ZNF385D: variants seen among roughly 807,000 people sequenced by gnomAD.
ZNF385D encodes the protein zinc finger protein 659.
Under a neutral mutation model 35.8 loss-of-function variants are expected in ZNF385D, and 15 were observed. The ratio of observed to expected loss-of-function variants is 0.42; its 90% CI spans 0.28 to 0.64. The LOEUF (loss-of-function observed/expected upper bound fraction) is 0.64, where lower values mean the gene tolerates loss of function less well. ZNF385D is among the 30% of genes least tolerant of loss of function. The pLI is 0.23. For synonymous variants in ZNF385D, 212 were observed against 186.8 expected, an observed-to-expected ratio of 1.13 and a Z score of -1.10; for missense variants, 474 against 494.6, an observed-to-expected ratio of 0.96 and a Z score of 0.39.
chr3:21,889,034 G>A (rs546655415), intron 3 of ZNF385D, among the ~76,000 whole-genome samples: 1 of 152,318 alleles, frequency 6.6e-6, no homozygotes, highest in African/African-American at 2.4e-5. Context: ...TGTGTGGGGA[G>A]TGCCCTTGAC....
intron 3 of ZNF385D, among the ~76,000 whole-genome samples, chr3:22,033,118 G>A (rs1698099612): frequency 6.6e-6 from 1 of 152,060 alleles, no homozygotes; most frequent in Non-Finnish European, 1.5e-5. Flanking sequence ...AATGAACAGT[G>A]AGGCCGGGCA....
At chr3:22,115,400 G>C (rs201962572) in intron 3 of ZNF385D, among the ~76,000 whole-genome samples, 16 of 151,944 alleles carry the variant, frequency 1.1e-4, no homozygotes, top group East Asian at 3.9e-4. Context: ...GAGAACATAG[G>C]TGTCCTTTGG....
chr3:21,473,096 C>A (rs1475386282), intron 4 of ZNF385D, among the ~76,000 whole-genome samples: 1 of 152,112 alleles, frequency 6.6e-6, no homozygotes, highest in Non-Finnish European at 1.5e-5. Context: ...CTACTCCCTA[C>A]ATTAAAACCA....
At chr3:21,695,865 G>C (rs2067454049) in intron 1 of ZNF385D, among the ~76,000 whole-genome samples, 1 of 152,022 alleles carries the variant, frequency 6.6e-6, no homozygotes, top group African/African-American at 2.4e-5. Context: ...AAGATGTAGT[G>C]TTAATAAGAA....
At chr3:22,075,060 T>A (rs895564111) in intron 3 of ZNF385D, among the ~76,000 whole-genome samples, 4 of 151,924 alleles carry the variant, frequency 2.6e-5, no homozygotes, top group African/African-American at 9.7e-5. Flanking sequence ...AGTAATTTTT[T>A]AAAAATACTA....
chr3:21,766,226 C>A (rs1303374904), intron 3 of ZNF385D, among the ~76,000 whole-genome samples: 2 of 152,068 alleles, frequency 1.3e-5, no homozygotes, highest in African/African-American at 4.8e-5. Flanking sequence ...CTATCCTCCA[C>A]TGATAATTTG....
At chr3:21,929,326 A>G (rs1329280452) in intron 3 of ZNF385D, among the ~76,000 whole-genome samples, 2 of 152,062 alleles carry the variant, frequency 1.3e-5, no homozygotes, top group African/African-American at 4.8e-5. Context: ...CAAACTAATA[A>G]AGGGCATCTA....
chr3:21,746,477 G>A (rs1347347829), intron 1 of ZNF385D, among the ~76,000 whole-genome samples: 3 of 152,198 alleles, frequency 2.0e-5, no homozygotes, highest in African/African-American at 7.2e-5. Context: ...TTAGATTTCA[G>A]GTTCTTATTC....
At chr3:21,721,563 G>A (rs1415405054) in intron 1 of ZNF385D, among the ~76,000 whole-genome samples, 1 of 152,006 alleles carries the variant, frequency 6.6e-6, no homozygotes, top group African/African-American at 2.4e-5. Flanking sequence ...ATGAGGACAA[G>A]AAAATCCTAT....
intron 3 of ZNF385D, among the ~76,000 whole-genome samples, chr3:21,522,798 TC>T (rs1707994344): frequency 6.6e-6 from 1 of 152,182 alleles, no homozygotes; most frequent in African/African-American, 2.4e-5. Context: ...CTTAAAGTTT[TC>T]CTATTGCATT....
rs1194550908 is a variant in ZNF385D at position 21,799,785 on chromosome 3, GTTACT to G, written c.326-134762_326-134758del. Reference sequence around the variant, plus strand: ...AAGTCCATTTTATATATTTTTTCTTGTTACTTTTACTTTTGAAACGATATGTAAAA... The same window carrying G: ...AAGTCCATTTTATATATTTTTTCTTGTTTACTTTTGAAACGATATGTAAAA... On this transcript the variant is annotated intron_variant, in intron 3 of 5. Transcript: ENST00000494108. 4.6e-5 allele frequency among the ~76,000 whole-genome samples: 7 copies of G among 151,726 alleles called. No homozygotes were observed. In the East Asian group the frequency reaches 1.4e-3, roughly 29 times the overall value.
intron 3 of ZNF385D, chr3:21,958,742 C>T (rs997628846): frequency 6.7e-6 from 1 of 148,838 alleles, no homozygotes; most frequent in Non-Finnish European, 1.5e-5. Flanking sequence ...AAATATTAAG[C>T]TGTAGAGTGA....
intron 1 of ZNF385D, among the ~76,000 whole-genome samples, chr3:21,695,481 A>T (rs963952323): frequency 6.6e-6 from 1 of 152,182 alleles, no homozygotes; most frequent in African/African-American, 2.4e-5. Context: ...ATTTTAAGCA[A>T]GCATCGCTGC....
intron 3 of ZNF385D, among the ~76,000 whole-genome samples, chr3:21,883,882 G>A (rs143302146): frequency 2.0e-5 from 3 of 152,130 alleles, no homozygotes; most frequent in African/African-American, 4.8e-5. Flanking sequence ...ACTGAGACAT[G>A]CTACGACATC....
intron 2 of ZNF385D, among the ~76,000 whole-genome samples, chr3:21,620,743 T>C (rs1163207427): frequency 6.6e-6 from 1 of 152,156 alleles, no homozygotes; most frequent in Non-Finnish European, 1.5e-5. Context: ...GTAGTTGTGA[T>C]ACGGTGATTG....
chr3:21,579,263 C>G (rs1472754133), intron 2 of ZNF385D: 1 of 152,142 alleles, frequency 6.6e-6, no homozygotes, highest in Non-Finnish European at 1.5e-5. Flanking sequence ...GAAATATATT[C>G]CAGAAATCTA....
At chr3:22,111,548 G>A (rs9823158) in intron 3 of ZNF385D, among the ~76,000 whole-genome samples, 118,461 of 151,932 alleles carry the variant, frequency 0.78, 47,150 homozygotes, top group Non-Finnish European at 0.84. Context: ...TGGATGAGGC[G>A]CTGTTCAGTG....
At chr3:21,878,238 G>A (rs1478627790) in intron 3 of ZNF385D, 1 of 151,962 alleles carries the variant, frequency 6.6e-6, no homozygotes, top group African/African-American at 2.4e-5. Context: ...TCCAGGTGAT[G>A]TAGCTCATAA....
At chr3:21,485,319 A>G (rs1704947968) in intron 4 of ZNF385D, among the ~76,000 whole-genome samples, 1 of 152,128 alleles carries the variant, frequency 6.6e-6, no homozygotes, top group Non-Finnish European at 1.5e-5. Flanking sequence ...GATGGGTCCT[A>G]ATGCAAACAT....
Sources: allele counts gnomAD v4.1 joint callset (sites outside exome capture counted in the v4.1 genomes callset), GRCh38; gene constraint gnomAD v4.1.1; transcripts MANE v1.5; gene names NCBI Gene and HGNC (gene_info 2026-07-23, HGNC 2026-07-21).